RANBP2: variants seen among roughly 807,000 people sequenced by gnomAD.
The protein encoded by RANBP2 is RAN binding protein 2, also known as E3 SUMO-protein ligase RanBP2.
Under a neutral mutation model 303.6 loss-of-function variants are expected in RANBP2, and 57 were observed. The observed-to-expected ratio is 0.19, with a 90% confidence interval of 0.15 to 0.23. The LOEUF (loss-of-function observed/expected upper bound fraction) is 0.23, where lower values mean the gene tolerates loss of function less well. RANBP2 is among the 10% of genes least tolerant of loss of function. RANBP2 has a pLI of 1.00. For synonymous variants in RANBP2, 1,167 were observed against 1,301.5 expected (o/e 0.90, Z 2.23); for missense variants, 3,138 against 3,780.8 (o/e 0.83, Z 4.46).
the RANBP2 span, among the ~76,000 whole-genome samples, chr2:109,001,716 T>G: frequency 6.6e-6 from 1 of 152,106 alleles, no homozygotes; most frequent in African/African-American, 2.4e-5. Context: ...ATTGAAGTTT[T>G]TTTGTGTTTT....
chr2:109,658,289 T>C, the RANBP2 span, among the ~76,000 whole-genome samples: 1 of 149,580 alleles, frequency 6.7e-6, no homozygotes, highest in Non-Finnish European at 1.5e-5. Context: ...CTACTAAAAA[T>C]ACAAAAAATT....
the RANBP2 span, among the ~76,000 whole-genome samples, chr2:109,145,007 T>A: frequency 6.6e-6 from 1 of 152,188 alleles, no homozygotes; most frequent in Admixed American, 6.5e-5. Context: ...AGGTGTGGCA[T>A]AAGAAACTCA....
At chr2:108,776,698 TGAC>T (rs1677917240) in intron 24 of RANBP2, among the ~76,000 whole-genome samples, 1 of 152,184 alleles carries the variant, frequency 6.6e-6, no homozygotes, top group Admixed American at 6.5e-5. Context: ...AAAGTCCTTA[TGAC>T]GAAGTGTAAA....
the RANBP2 span, among the ~76,000 whole-genome samples, chr2:109,714,165 C>G: frequency 6.6e-6 from 1 of 152,162 alleles, no homozygotes; most frequent in Non-Finnish European, 1.5e-5. Flanking sequence ...ACTGCAACCT[C>G]TACCTCTGGG....
At chr2:109,010,981 G>GCTTCAC in the RANBP2 span, among the ~76,000 whole-genome samples, 7 of 152,174 alleles carry the variant, frequency 4.6e-5, no homozygotes, top group African/African-American at 7.2e-5. Context: ...CATGGCTGCT[G>GCTTCAC]CTTCACCTTC....
At chr2:109,047,232 C>A in the RANBP2 span, among the ~76,000 whole-genome samples, 1 of 152,202 alleles carries the variant, frequency 6.6e-6, no homozygotes, top group Admixed American at 6.5e-5. Context: ...TTCCCCAATT[C>A]TTGGCAGAGG....
At chr2:109,539,254 T>C in the RANBP2 span, among the ~76,000 whole-genome samples, 68 of 151,966 alleles carry the variant, frequency 4.5e-4, no homozygotes, top group Non-Finnish European at 6.2e-4. Context: ...GCCGATATTA[T>C]GCCACTGCAC....
At chr2:109,422,824 T>G in the RANBP2 span, among the ~76,000 whole-genome samples, 2 of 152,118 alleles carry the variant, frequency 1.3e-5, no homozygotes, top group Non-Finnish European at 2.9e-5. Context: ...AGCCACTGCC[T>G]GATGTGAAGG....
At chr2:108,829,371 G>A in the RANBP2 span, among the ~76,000 whole-genome samples, 1 of 152,130 alleles carries the variant, frequency 6.6e-6, no homozygotes, top group African/African-American at 2.4e-5. Flanking sequence ...TGGCCCCTAA[G>A]CTCATAAAAA....
the RANBP2 span, among the ~76,000 whole-genome samples, chr2:108,891,020 TA>T: frequency 7.9e-5 from 12 of 152,184 alleles, 1 homozygote; most frequent in South Asian, 2.3e-3. Context: ...TTTGGTTCTT[TA>T]AAAAAAATCT....
the RANBP2 span, among the ~76,000 whole-genome samples, chr2:109,557,855 T>TC: frequency 2.4e-4 from 36 of 151,668 alleles, no homozygotes; most frequent in East Asian, 6.6e-3. Flanking sequence ...AATTTTCTTT[T>TC]TTTTTTTTTT....
the RANBP2 span, among the ~76,000 whole-genome samples, chr2:109,160,754 G>A: frequency 1.3e-5 from 2 of 152,194 alleles, no homozygotes; most frequent in African/African-American, 4.8e-5. Flanking sequence ...GGAAGGGTTT[G>A]GGGACTGGCT....
the RANBP2 span, among the ~76,000 whole-genome samples, chr2:109,070,928 G>A: frequency 7.9e-5 from 12 of 152,058 alleles, 1 homozygote; most frequent in Non-Finnish European, 1.5e-4. Flanking sequence ...TCGCCATGTG[G>A]GGCACGGGCT....
chr2:109,190,977 C>T, the RANBP2 span, among the ~76,000 whole-genome samples: 54 of 151,270 alleles, frequency 3.6e-4, no homozygotes, highest in Middle Eastern at 6.8e-3. Context: ...TTAATAGTTG[C>T]GTCAGGCGAG....
chr2:109,301,847 G>C, the RANBP2 span, among the ~76,000 whole-genome samples: 69 of 152,164 alleles, frequency 4.5e-4, no homozygotes, highest in Admixed American at 5.9e-4. Flanking sequence ...TAGCATGTTT[G>C]AGAATTTTGG....
At chr2:109,023,705 A>G in the RANBP2 span, among the ~76,000 whole-genome samples, 1 of 152,134 alleles carries the variant, frequency 6.6e-6, no homozygotes, top group African/African-American at 2.4e-5. Flanking sequence ...GCTACTCAGG[A>G]GGCTGAGGCA....
At chr2:109,088,133 T>C in the RANBP2 span, among the ~76,000 whole-genome samples, 1 of 151,858 alleles carries the variant, frequency 6.6e-6, no homozygotes, top group Non-Finnish European at 1.5e-5. Flanking sequence ...GTACGGTGGC[T>C]CACACCTGTA....
chr2:109,019,360 G>A, the RANBP2 span, among the ~76,000 whole-genome samples: 15 of 152,226 alleles, frequency 9.9e-5, no homozygotes, highest in African/African-American at 3.1e-4. Context: ...GAATGAAATA[G>A]ATCAACTTTG....
the RANBP2 span, among the ~76,000 whole-genome samples, chr2:109,221,814 A>G: frequency 3.3e-5 from 5 of 152,182 alleles, no homozygotes. Context: ...TCAGAAAACG[A>G]AAACTAGAAC....
Sources: gnomAD v4.1 joint callset for allele counts (sites outside exome capture counted in the v4.1 genomes callset) on GRCh38, gnomAD v4.1.1 for gene constraint, MANE v1.5 for transcripts, NCBI Gene and HGNC (gene_info 2026-07-23, HGNC 2026-07-21) for gene names.